Variants in RAP1GAP2 observed in about 807,000 individuals in gnomAD.
RAP1GAP2 encodes the protein RAP1 GTPase activating protein 2.
A neutral mutation model predicts 95.0 loss-of-function variants in RAP1GAP2; 27 were observed. That is an observed-to-expected ratio of 0.28 (90% CI 0.21 to 0.39). The LOEUF (loss-of-function observed/expected upper bound fraction) is 0.39. Ranked by LOEUF, RAP1GAP2 falls within the 10% of genes least tolerant of loss-of-function variation. RAP1GAP2 has a pLI of 1.00. For missense variants in RAP1GAP2, 771 were observed against 970.0 expected, an observed-to-expected ratio of 0.79 and a Z score of 2.72; for synonymous variants, 373 against 380.9, an observed-to-expected ratio of 0.98 and a Z score of 0.24.
intron 1 of RAP1GAP2, among the ~76,000 whole-genome samples, chr17:2,766,731 G>A (rs2068283276): frequency 6.6e-6 from 1 of 152,186 alleles, no homozygotes; most frequent in East Asian, 1.9e-4. Flanking sequence ...CAGGAAGAGG[G>A]CCCTCACCAG....
chr17:2,960,561 G>A (rs1252974188), intron 4 of RAP1GAP2, among the ~76,000 whole-genome samples: 1 of 152,228 alleles, frequency 6.6e-6, no homozygotes, highest in Admixed American at 6.5e-5. Context: ...ACAGAGTGTG[G>A]GGTACGTCAC....
At position 2,904,213 on chromosome 17, in the gene RAP1GAP2, G is replaced by C. The variant is rs1253439495; in HGVS notation, c.81-1071G>C. 6.6e-6 allele frequency among the ~76,000 whole-genome samples: 1 copy of C among 152,110 alleles called. No individual in the cohort carries two copies. Among genetic ancestry groups the C allele is most frequent in the African/African-American group, 2.4e-5 (1 of 41,410 alleles). Reference sequence around the variant, plus strand: ...CAGCCAGAGCTTGTTCAGGACACTGGAGTCCCTCACCCGGGAATTCCCCAG... The same window carrying C: ...CAGCCAGAGCTTGTTCAGGACACTGCAGTCCCTCACCCGGGAATTCCCCAG... On this transcript the variant is annotated intron_variant, in intron 2 of 24. Coordinates refer to ENST00000254695, the MANE Select transcript of RAP1GAP2 (RefSeq NM_015085.5). The surrounding 1 kb of genome is among the most constrained non-coding windows in gnomAD (Gnocchi z 4.7).
In RAP1GAP2 at chr17:2,925,706, G is replaced by C. The variant is rs562753800; in HGVS notation, c.165+20338G>C. Among the ~76,000 whole-genome samples, 3 of 152,300 alleles carry C rather than the reference G, an allele frequency of 2.0e-5. No individual in the cohort carries two copies. The East Asian group carries it at 5.8e-4, about 29-fold the overall frequency. On this transcript the variant is annotated intron_variant, in intron 3 of 24. Coordinates refer to ENST00000254695, the MANE Select transcript of RAP1GAP2 (RefSeq NM_015085.5). Reference sequence around the variant, plus strand: ...AAGGTACTTCCAGGCCATCCTTGAAGGAGCTCAGAGTGAGTCCTTCAAACA... The same window carrying C: ...AAGGTACTTCCAGGCCATCCTTGAACGAGCTCAGAGTGAGTCCTTCAAACA...
intron 1 of RAP1GAP2, chr17:2,800,243 C>T: frequency 1.0e-6 from 1 of 984,392 alleles, no homozygotes. Flanking sequence ...TCAGACTGGG[C>T]CAGTGATTTT....
chr17:3,001,658 C>T (rs1000353664), intron 14 of RAP1GAP2, among the ~76,000 whole-genome samples: 1 of 152,212 alleles, frequency 6.6e-6, no homozygotes, highest in Non-Finnish European at 1.5e-5. Context: ...AGGTCAGCCA[C>T]TGGGCAGCTG....
rs911407722 is a variant in RAP1GAP2 at position 2,827,022 on chromosome 17, G to A, written c.80+26472G>A. Among the ~76,000 whole-genome samples, 33 of 146,030 alleles carry A rather than the reference G, an allele frequency of 2.3e-4. No homozygotes were observed. The highest frequency in any genetic ancestry group is 8.4e-4 in the African/African-American group (30 of 35,852). ...TCCGTTTCGAGAGAGAGAGAGGAGAGAAAGAAAGAAAGAGAGAGAGAAAGA... is the reference window on the plus strand; with the variant it reads ...TCCGTTTCGAGAGAGAGAGAGGAGAAAAAGAAAGAAAGAGAGAGAGAAAGA... On this transcript the variant is annotated intron_variant, in intron 2 of 24. Transcript: ENST00000254695. This position sits in a 1 kb window ranked among gnomAD's most constrained non-coding sequence, Gnocchi z 4.1.
In RAP1GAP2 at chr17:2,957,274, A is replaced by T. The variant is rs559023213; in HGVS notation, c.166-485A>T. On this transcript the variant is annotated intron_variant, in intron 3 of 24. Coordinates refer to ENST00000254695, the MANE Select transcript of RAP1GAP2 (RefSeq NM_015085.5). ...GGGCAGGCAGAGGCAGAGGTGGCAT[A>T]GCGGGCCCTCCCCCTCCTTCCCTGG... Among the ~76,000 whole-genome samples the T allele has an allele frequency of 7.9e-5, 12 of 152,212 alleles. No homozygotes were observed. The East Asian group carries it at 2.3e-3, about 29-fold the overall frequency.
At chr17:2,955,643 A>G (rs191239746) in intron 3 of RAP1GAP2, among the ~76,000 whole-genome samples, 28 of 152,322 alleles carry the variant, frequency 1.8e-4, no homozygotes, top group Non-Finnish European at 2.8e-4. Context: ...AGAATTTACA[A>G]ATGAAGCCAC....
At chr17:2,764,342 G>T (rs958495896) in intron 1 of RAP1GAP2, among the ~76,000 whole-genome samples, 3 of 152,014 alleles carry the variant, frequency 2.0e-5, no homozygotes, top group African/African-American at 7.3e-5. Flanking sequence ...TGAGGCAGGC[G>T]AATTGCATGA....
intron 3 of RAP1GAP2, among the ~76,000 whole-genome samples, chr17:2,954,008 C>G (rs1317009273): frequency 1.3e-5 from 2 of 152,194 alleles, no homozygotes; most frequent in African/African-American, 4.8e-5. Flanking sequence ...TCCCCCTCAG[C>G]TTAAGCAAGC....
chr17:2,868,073 C>T (rs534338580), intron 2 of RAP1GAP2, among the ~76,000 whole-genome samples: 5 of 152,318 alleles, frequency 3.3e-5, no homozygotes, highest in South Asian at 4.1e-4. Context: ...GGTTGGCTCT[C>T]GGCTCTGGGA....
intron 2 of RAP1GAP2, among the ~76,000 whole-genome samples, chr17:2,808,913 T>C (rs1463351842): frequency 1.3e-5 from 2 of 152,138 alleles, no homozygotes; most frequent in Non-Finnish European, 2.9e-5. Flanking sequence ...TTTTTGGCTT[T>C]AGCGAGTTCC....
At chr17:2,917,103 G>A (rs996880371) in intron 3 of RAP1GAP2, among the ~76,000 whole-genome samples, 1 of 152,114 alleles carries the variant, frequency 6.6e-6, no homozygotes, top group African/African-American at 2.4e-5. Context: ...CTTTGGATTG[G>A]CCACATGATC....
At position 2,756,728 on chromosome 17, in the gene RAP1GAP2, C is replaced by A. The variant is rs1344636616; in HGVS notation, c.50+961C>A. Among the ~76,000 whole-genome samples the A allele has an allele frequency of 2.6e-5, 4 of 152,150 alleles. No homozygotes were observed. In the East Asian group the frequency reaches 7.7e-4, roughly 29 times the overall value. On this transcript the variant is annotated intron_variant, in intron 1 of 25. Coordinates refer to the RAP1GAP2 transcript ENST00000637138. ...TGAACAATAATGTCATCAATAACAG[C>A]AACGTGGGCTTCCCCAGCACCTCCC...
intron 2 of RAP1GAP2, among the ~76,000 whole-genome samples, chr17:2,829,840 T>A (rs924478941): frequency 1.1e-4 from 16 of 139,572 alleles, no homozygotes; most frequent in African/African-American, 4.5e-4. Context: ...TTTTTTGAGA[T>A]GAGATTTTGC....
intron 4 of RAP1GAP2, 85 bp from the exon 5 acceptor site, chr17:2,962,585 C>A: frequency 2.2e-6 from 3 of 1,382,892 alleles, no homozygotes; most frequent in Non-Finnish European, 3.0e-6. Flanking sequence ...CTGTTACTAA[C>A]CCCCTGTAAG....
chr17:2,828,954 C>T (rs1047998281), intron 2 of RAP1GAP2, among the ~76,000 whole-genome samples: 59 of 147,850 alleles, frequency 4.0e-4, no homozygotes, highest in African/African-American at 1.4e-3. Flanking sequence ...CCTGGGGGGG[C>T]AGGTTCCTGT....
Position 2,964,086 on chromosome 17 carries a change from G to A in RAP1GAP2, c.492+18G>A. ...TGGGGAAGGTGAGGCTGGGGGAGAG[G>A]AGCTGCTGGGGGTTGGGGGCAGAGG... On this transcript the variant is annotated intron_variant, in intron 7 of 24. Transcript: ENST00000254695. 6.3e-7 allele frequency: 1 copy of A among 1,593,344 alleles called. No individual in the cohort carries two copies. Among genetic ancestry groups the A allele is most frequent in the Non-Finnish European group, 8.6e-7 (1 of 1,168,032 alleles).
At chr17:2,772,242 C>T (rs201225942), upstream of RAP1GAP2, among the ~76,000 whole-genome samples, 4 of 152,236 alleles carry the variant, frequency 2.6e-5, no homozygotes, top group East Asian at 5.8e-4. Context: ...CCCACCTGTG[C>T]CTACCAAAGT....
Sources: gnomAD v4.1 joint callset for allele counts (sites outside exome capture counted in the v4.1 genomes callset) on GRCh38, gnomAD v4.1.1 for gene constraint, Gnocchi (gnomAD v3.1) non-coding constraint, MANE v1.5 for transcripts, NCBI Gene and HGNC (gene_info 2026-07-23, HGNC 2026-07-21) for gene names.